ADGRA1: variants seen among roughly 807,000 people sequenced by gnomAD.
The protein encoded by ADGRA1 is adhesion G protein-coupled receptor A1, also known as G-protein coupled receptor 123.
ADGRA1 carries 12 observed loss-of-function variants against 21.3 expected under a neutral mutation model. That is an observed-to-expected ratio of 0.56 (90% CI 0.36 to 0.91). ADGRA1 has a LOEUF of 0.91. Ranked by LOEUF, ADGRA1 falls within the 40% of genes least tolerant of loss-of-function variation. The probability of loss-of-function intolerance (pLI) is 0.01; values close to 1 mark genes in which losing one functional copy is unlikely to be tolerated. For synonymous variants in ADGRA1, 385 were observed against 368.8 expected (o/e 1.04, Z -0.50); for missense variants, 790 against 805.6 (o/e 0.98, Z 0.23).
intron 5 of ADGRA1, among the ~76,000 whole-genome samples, chr10:133,115,670 C>T (rs971392720): frequency 1.3e-5 from 2 of 152,104 alleles, no homozygotes; most frequent in East Asian, 1.9e-4. Flanking sequence ...TCAGCACAGC[C>T]GAGGGTCGGC....
intron 5 of ADGRA1, among the ~76,000 whole-genome samples, chr10:133,103,569 C>A (rs942722990): frequency 6.6e-6 from 1 of 152,240 alleles, no homozygotes; most frequent in South Asian, 2.1e-4. Flanking sequence ...AACCATGGGC[C>A]TGCCTAGGGG....
chr10:133,111,909 GCCTCCA>G (rs1852027543), intron 5 of ADGRA1, among the ~76,000 whole-genome samples: 2 of 12,338 alleles, frequency 1.6e-4, no homozygotes, highest in African/African-American at 6.3e-4. Flanking sequence ...CCCTCCTAAT[GCCTCCA>G]GACCACCTGC....
chr10:133,102,193 G>C (rs1851807546), intron 4 of ADGRA1: 1 of 456,334 alleles, frequency 2.2e-6, no homozygotes, highest in Non-Finnish European at 4.4e-6. Flanking sequence ...CCCACAGTAA[G>C]AGCATCCTGG....
chr10:133,126,671 C>G (rs1591190233), intron 5 of ADGRA1, among the ~76,000 whole-genome samples: 1 of 152,334 alleles, frequency 6.6e-6, no homozygotes, highest in Middle Eastern at 3.4e-3. Flanking sequence ...AGCCCCTGCC[C>G]TGGGCTCGGG....
intron 5 of ADGRA1, among the ~76,000 whole-genome samples, chr10:133,117,310 C>A (rs1852177403): frequency 6.6e-6 from 1 of 152,218 alleles, no homozygotes; most frequent in Admixed American, 6.5e-5. Context: ...GACCTGTGCA[C>A]ACAGAGCAGG....
chr10:133,110,072 A>C (rs571317599), intron 5 of ADGRA1, among the ~76,000 whole-genome samples: 1 of 152,358 alleles, frequency 6.6e-6, no homozygotes, highest in South Asian at 2.1e-4. Flanking sequence ...TTGTCTCCAC[A>C]GAAGGATACA....
intron 5 of ADGRA1, among the ~76,000 whole-genome samples, chr10:133,126,129 C>T (rs1852370910): frequency 6.6e-6 from 1 of 152,244 alleles, no homozygotes; most frequent in African/African-American, 2.4e-5. Context: ...GCCCACCGTG[C>T]AGGTCTGGTT....
At chr10:133,109,171 T>A (rs1177598529) in intron 5 of ADGRA1, among the ~76,000 whole-genome samples, 1 of 151,772 alleles carries the variant, frequency 6.6e-6, no homozygotes, top group Non-Finnish European at 1.5e-5. Flanking sequence ...CCAGCATTCG[T>A]GTCTGGGTGC....
rs115414334 is a variant in ADGRA1, at chr10:133,106,768, G to A, written c.401+3926G>A. Reference sequence around the variant, plus strand: ...ATGCTTCCTGGGGGAAGGCCATCGAGGCCAAAGACCCTCACAGATAAAGCG... The same window carrying A: ...ATGCTTCCTGGGGGAAGGCCATCGAAGCCAAAGACCCTCACAGATAAAGCG... On this transcript the variant is annotated intron_variant, in intron 5 of 6. Transcript: ENST00000392607. 4.3e-3 allele frequency among the ~76,000 whole-genome samples: 657 copies of A among 152,364 alleles called. 5 individuals are homozygous for A. Among genetic ancestry groups the A allele is most frequent in the African/African-American group, 0.014 (595 of 41,588 alleles).
chr10:133,129,246 C>T lies in ADGRA1; in HGVS notation c.1418C>T (p.Thr473Ile), dbSNP rs776299340. 3.9e-6 allele frequency: 6 copies of T among 1,549,674 alleles called. No individual in the cohort carries two copies. In the Admixed American group the frequency reaches 5.9e-5, roughly 15 times the overall value. The change falls in exon 7 of 7, where the codon ACC (threonine) becomes ATC (isoleucine). Residue 473 changes from threonine (T) to isoleucine (I), a missense_variant. Coordinates refer to ENST00000392607, the MANE Select transcript of ADGRA1 (RefSeq NM_001083909.3). The part of the protein sequence containing the change: ...PAGTHTLACC[T>I]QGDPFPMVTQ... ...GGGACACACACGCTGGCCTGCTGCA[C>T]CCAGGGCGACCCCTTCCCCATGGTC...
chr10:133,095,653 C>T (rs1400461501), intron 2 of ADGRA1: 1 of 1,593,936 alleles, frequency 6.3e-7, no homozygotes, highest in East Asian at 2.2e-5. Flanking sequence ...CTCCCCAGAG[C>T]ACCCTCTGTC....
Position 133,102,940 on chromosome 10 carries a change from G to A in ADGRA1, c.401+98G>A, listed in dbSNP as rs578015128. On this transcript the variant is annotated intron_variant, in intron 5 of 6. Transcript: ENST00000392607. ...CAAACCTTCTCACCAGGCCACCAGG[G>A]GCCTGAGGATGATCCGGTCCATGGG... 895 of 1,337,876 alleles carry A rather than the reference G, an allele frequency of 6.7e-4. 7 individuals carry two copies. In the South Asian group the frequency reaches 7.6e-3, roughly 11 times the overall value. The allele number at this position is 1,337,876 out of a possible 1,614,324, so 82.9% of individuals were successfully genotyped here.
intron 5 of ADGRA1, among the ~76,000 whole-genome samples, chr10:133,123,483 C>T (rs759165726): frequency 9.9e-5 from 15 of 152,174 alleles, no homozygotes; most frequent in South Asian, 2.1e-4. Flanking sequence ...GTCTCCTCCA[C>T]GAGGCTCCCC....
At position 133,128,332 on chromosome 10, in the gene ADGRA1, C is replaced by G. The variant is rs1271098277; in HGVS notation, c.504C>G (p.Cys168Trp). 1 of 1,542,448 alleles carries G rather than the reference C, an allele frequency of 6.5e-7. No homozygotes were observed. The highest frequency in any genetic ancestry group is 1.4e-5 in the African/African-American group (1 of 72,342). The change falls in exon 7 of 7, where the codon TGC becomes TGG. Residue 168 changes from cysteine to tryptophan, a missense_variant. This residue lies in a region of ADGRA1 where 382 missense variants were observed against 415.6 expected (regional missense o/e 0.92). Coordinates refer to ENST00000392607, the MANE Select transcript of ADGRA1 (RefSeq NM_001083909.3). Reference protein sequence around the residue: ...YGTEDEDTAYCWMAWEPSLGA... With the variant: ...YGTEDEDTAYWWMAWEPSLGA... ...ACTGACGTGCGTCTCCCCACAGCTG[C>G]TGGATGGCCTGGGAGCCCAGCCTGG...
intron 2 of ADGRA1, chr10:133,093,167 C>T (rs756842696): frequency 2.1e-5 from 33 of 1,595,862 alleles, no homozygotes; most frequent in Non-Finnish European, 2.8e-5. Context: ...TGGCCCCGGA[C>T]ACCTCACCCG....
chr10:133,103,319 T>C (rs757340872), intron 5 of ADGRA1, among the ~76,000 whole-genome samples: 1 of 152,184 alleles, frequency 6.6e-6, no homozygotes, highest in Non-Finnish European at 1.5e-5. Context: ...ATGGTCTCCG[T>C]AACATCAGGC....
chr10:133,123,664 G>A (rs532225290), intron 5 of ADGRA1, among the ~76,000 whole-genome samples: 48 of 152,268 alleles, frequency 3.2e-4, no homozygotes, highest in Middle Eastern at 3.4e-3. Flanking sequence ...CGTAAGGTCC[G>A]AAATGGGCCC....
intron 2 of ADGRA1, 23 bp from the exon 3 acceptor site, chr10:133,096,951 C>T (rs375823578): frequency 2.4e-5 from 39 of 1,599,002 alleles, no homozygotes; most frequent in Admixed American, 1.8e-4. Context: ...CAGTCACACA[C>T]GTCTCCTTTG....
rs751844986 is a variant in ADGRA1, at chr10:133,097,090, C to T, written c.120C>T (p.Ile40=). ...TCCTGGCCTCCTTCGTCACCTACAT[C>T]GTGCACCAGAGGTGAGCCTGGCATG... ...LCLLASFVTY[I]VHQSAIRISR... Residue 40 remains isoleucine (I), a synonymous_variant, in exon 3 of 7, where the codon ATC becomes ATT. Transcript: ENST00000392607. 1.9e-5 allele frequency: 30 copies of T among 1,605,998 alleles called. 2 individuals carry two copies. Among genetic ancestry groups the T allele is most frequent in the South Asian group, 1.6e-4 (15 of 91,086 alleles).
Sources: allele counts gnomAD v4.1 joint callset (sites outside exome capture counted in the v4.1 genomes callset), GRCh38; gene constraint gnomAD v4.1.1; regional missense constraint gnomAD v4.1.1; transcripts MANE v1.5; gene names NCBI Gene and HGNC (gene_info 2026-07-23, HGNC 2026-07-21).